The following RGS6 variants were observed in gnomAD, a reference collection of about 807,000 sequenced individuals.
The protein encoded by RGS6 is regulator of G-protein signaling 6.
Under a neutral mutation model 78.5 loss-of-function variants are expected in RGS6, and 30 were observed. The ratio of observed to expected loss-of-function variants is 0.38; its 90% CI spans 0.29 to 0.52. The LOEUF is 0.52. RGS6 is among the 20% of genes least tolerant of loss of function. The pLI is 0.85. For synonymous variants in RGS6, 206 were observed against 206.0 expected, an observed-to-expected ratio of 1.00 and a Z score of 0.00; for missense variants, 495 against 609.7, an observed-to-expected ratio of 0.81 and a Z score of 1.98.
intron 2 of RGS6, among the ~76,000 whole-genome samples, chr14:72,293,352 T>G (rs1292511539): frequency 6.6e-6 from 1 of 152,170 alleles, no homozygotes; most frequent in African/African-American, 2.4e-5. Flanking sequence ...ACAGATGAGG[T>G]CTGTTTGCAA....
At chr14:72,593,440 C>T in the RGS6 span, among the ~76,000 whole-genome samples, 1 of 152,142 alleles carries the variant, frequency 6.6e-6, no homozygotes, top group Non-Finnish European at 1.5e-5. Context: ...GGCTGGAGTA[C>T]AGCAGTGCGA....
intron 2 of RGS6, among the ~76,000 whole-genome samples, chr14:72,091,309 C>T (rs572132026): frequency 1.3e-5 from 2 of 152,304 alleles, no homozygotes; most frequent in Non-Finnish European, 1.5e-5. Flanking sequence ...TAAGAGGAGT[C>T]CCGGACACCA....
intron 3 of RGS6, among the ~76,000 whole-genome samples, chr14:72,415,310 A>C (rs2093720491): frequency 6.7e-6 from 1 of 149,188 alleles, no homozygotes; most frequent in African/African-American, 2.6e-5. Flanking sequence ...GCAATGAGCG[A>C]AGCTCCGTGG....
At chr14:72,099,601 G>A (rs17179588) in intron 2 of RGS6, among the ~76,000 whole-genome samples, 1,741 of 152,284 alleles carry the variant, frequency 0.011, 15 homozygotes, top group Non-Finnish European at 0.019. Flanking sequence ...GTTTTGGGAG[G>A]ACTTCAATGA....
chr14:72,215,597 A>G (rs1364502067), intron 2 of RGS6, among the ~76,000 whole-genome samples: 1 of 152,162 alleles, frequency 6.6e-6, no homozygotes. Flanking sequence ...GGGACCTCAC[A>G]TTCTGTATTT....
intron 2 of RGS6, among the ~76,000 whole-genome samples, chr14:72,187,300 A>G (rs1247682118): frequency 2.0e-5 from 3 of 152,194 alleles, no homozygotes; most frequent in African/African-American, 7.2e-5. Context: ...GTAAAATGCT[A>G]TTGGCACAAA....
Position 72,025,886 on chromosome 14 carries a change from A to G in RGS6, c.84+61011A>G, listed in dbSNP as rs533134370. On this transcript the variant is annotated intron_variant, in intron 2 of 17. Transcript: ENST00000553525. Reference sequence around the variant, plus strand: ...GTGGTTATAAAGCCGTGTTCTTACCACTATATTATGCTGTAAGAATAAAGG... The same window carrying G: ...GTGGTTATAAAGCCGTGTTCTTACCGCTATATTATGCTGTAAGAATAAAGG... Among the ~76,000 whole-genome samples the G allele has an allele frequency of 1.3e-4, 20 of 152,264 alleles. No homozygotes were observed. In the South Asian group the frequency reaches 3.9e-3, roughly 30 times the overall value.
the RGS6 span, chr14:72,619,425 C>A: frequency 6.6e-7 from 1 of 1,510,038 alleles, no homozygotes; most frequent in Non-Finnish European, 8.9e-7. Context: ...GAGCCCCACC[C>A]CACTGGCCCT....
At chr14:71,990,346 G>A (rs1595760738) in intron 2 of RGS6, among the ~76,000 whole-genome samples, 1 of 152,156 alleles carries the variant, frequency 6.6e-6, no homozygotes, top group Non-Finnish European at 1.5e-5. Context: ...ATCCCCATTC[G>A]TGGTTCCCCT....
chr14:72,528,780 C>T (rs1475075137), intron 15 of RGS6, among the ~76,000 whole-genome samples: 1 of 152,228 alleles, frequency 6.6e-6, no homozygotes, highest in Non-Finnish European at 1.5e-5. Flanking sequence ...AATTTACTCT[C>T]AGCAGGGGCT....
At chr14:72,110,038 G>A (rs533090795) in intron 2 of RGS6, among the ~76,000 whole-genome samples, 1 of 152,344 alleles carries the variant, frequency 6.6e-6, no homozygotes, top group Admixed American at 6.5e-5. Flanking sequence ...AGTGTGTGCT[G>A]TTTTTTGAAG....
intron 2 of RGS6, among the ~76,000 whole-genome samples, chr14:72,111,243 A>G (rs1441635696): frequency 6.6e-6 from 1 of 152,214 alleles, no homozygotes; most frequent in Non-Finnish European, 1.5e-5. Context: ...GCTAAAGTAA[A>G]TGACATCCAA....
At chr14:72,425,325 G>A (rs972620614) in intron 3 of RGS6, among the ~76,000 whole-genome samples, 13 of 152,216 alleles carry the variant, frequency 8.5e-5, no homozygotes, top group African/African-American at 3.1e-4. Flanking sequence ...TTTTAGTAGA[G>A]ACGGGGTTTC....
chr14:72,559,532 C>T (rs947208410), intron 17 of RGS6, among the ~76,000 whole-genome samples: 18 of 152,214 alleles, frequency 1.2e-4, no homozygotes, highest in Non-Finnish European at 2.4e-4. Context: ...CCGACCTGAA[C>T]CCTCATGACC....
In RGS6 at chr14:72,411,272, A is replaced by G. The variant is rs142027242; in HGVS notation, c.185-43256A>G. On this transcript the variant is annotated intron_variant, in intron 3 of 17. Coordinates refer to ENST00000553525, the MANE Select transcript of RGS6 (RefSeq NM_001204424.2). ...GAGTAGTGGTTTGTAGTTCTCCTTG[A>G]AGAGGTCATTCATATCCCTTGTCAG... Among the ~76,000 whole-genome samples, 1,394 of 152,224 alleles carry G rather than the reference A, an allele frequency of 9.2e-3. 27 individuals carry two copies. The highest frequency in any genetic ancestry group is 0.033 in the African/African-American group (1,351 of 41,520).
At chr14:72,327,444 C>G in intron 2 of RGS6, among the ~76,000 whole-genome samples, 1 of 152,232 alleles carries the variant, frequency 6.6e-6, no homozygotes, top group East Asian at 1.9e-4. Context: ...CTAACTATTA[C>G]AACTTAATAA....
intron 2 of RGS6, among the ~76,000 whole-genome samples, chr14:72,143,909 C>A (rs1271609303): frequency 6.6e-6 from 1 of 152,004 alleles, no homozygotes; most frequent in Non-Finnish European, 1.5e-5. Flanking sequence ...AGATTAGAAT[C>A]AAGTTAACAT....
intron 2 of RGS6, among the ~76,000 whole-genome samples, chr14:72,093,816 G>A (rs1420860926): frequency 6.6e-6 from 1 of 151,852 alleles, no homozygotes; most frequent in Non-Finnish European, 1.5e-5. Flanking sequence ...AGGAATTTTG[G>A]GGTTTCAAAT....
intron 3 of RGS6, among the ~76,000 whole-genome samples, chr14:72,412,695 G>A (rs1428922367): frequency 6.6e-6 from 1 of 152,060 alleles, no homozygotes; most frequent in Non-Finnish European, 1.5e-5. Context: ...GCTTTCTCTT[G>A]TGGGCATTTA....
Sources: allele counts gnomAD v4.1 joint callset (sites outside exome capture counted in the v4.1 genomes callset), GRCh38; gene constraint gnomAD v4.1.1; transcripts MANE v1.5; gene names NCBI Gene and HGNC (gene_info 2026-07-23, HGNC 2026-07-21).